The following TENT2 variants were observed in gnomAD, a reference collection of about 807,000 sequenced individuals.
The protein encoded by TENT2 is poly(A) RNA polymerase GLD2.
TENT2 carries 44 observed loss-of-function variants against 72.2 expected under a neutral mutation model. That is an observed-to-expected ratio of 0.61 (90% CI 0.48 to 0.78). The LOEUF is 0.78. Ranked by LOEUF, TENT2 falls within the 30% of genes least tolerant of loss-of-function variation. TENT2 has a pLI of 0.00. For missense variants in TENT2, 541 were observed against 569.6 expected, an observed-to-expected ratio of 0.95 and a Z score of 0.51; for synonymous variants, 212 against 192.5, an observed-to-expected ratio of 1.10 and a Z score of -0.84.
Position 79,686,220 on chromosome 5 carries a change from C to T in TENT2, c.*947C>T, listed in dbSNP as rs972661084. 2 of 152,334 alleles carry T rather than the reference C, an allele frequency of 1.3e-5. No homozygotes were observed. The highest frequency in any genetic ancestry group is 2.9e-5 in the Non-Finnish European group (2 of 67,974). The allele number at this position is 152,334 out of a possible 1,614,324, so 9.4% of individuals were successfully genotyped here. On this transcript the variant is annotated 3_prime_UTR_variant, in exon 15 of 15. Transcript: ENST00000453514. ...ACTGGAATTTTTAGGCAGTAAGTCA[C>T]CACAAAATGTTTTAGATAAGACACA...
intron 10 of TENT2, among the ~76,000 whole-genome samples, chr5:79,650,055 G>A (rs920075830): frequency 3.3e-5 from 5 of 152,064 alleles, no homozygotes; most frequent in Non-Finnish European, 5.9e-5. Context: ...CATGAAGACC[G>A]AGTGAAAGAC....
intron 4 of TENT2, among the ~76,000 whole-genome samples, chr5:79,625,848 G>T (rs1275123424): frequency 2.1e-4 from 30 of 145,530 alleles, no homozygotes; most frequent in African/African-American, 6.2e-4. Context: ...TTTTTTTTTT[G>T]ATATAGAGTC....
chr5:79,672,599 G>A (rs1813788514), intron 12 of TENT2, among the ~76,000 whole-genome samples: 1 of 152,110 alleles, frequency 6.6e-6, no homozygotes, highest in South Asian at 2.1e-4. Flanking sequence ...TTCACTTAAT[G>A]TCCTCCAATT....
intron 10 of TENT2, among the ~76,000 whole-genome samples, chr5:79,655,658 T>A (rs1195859222): frequency 6.6e-6 from 1 of 152,038 alleles, no homozygotes; most frequent in East Asian, 1.9e-4. Flanking sequence ...GCAGGTCTTC[T>A]AGAATGTTGA....
intron 10 of TENT2, among the ~76,000 whole-genome samples, chr5:79,656,100 C>G (rs1433746777): frequency 6.6e-6 from 1 of 151,790 alleles, no homozygotes; most frequent in East Asian, 1.9e-4. Flanking sequence ...CTTCCTAATT[C>G]TTAAATTTGA....
In TENT2 at chr5:79,643,854, A is replaced by G. The variant is rs149788067; in HGVS notation, c.751+944A>G. Among the ~76,000 whole-genome samples, 64 of 152,248 alleles carry G rather than the reference A, an allele frequency of 4.2e-4. 1 individual carries two copies. The highest frequency in any genetic ancestry group is 1.5e-3 in the African/African-American group (61 of 41,550). ...TAATAGTTAAGGAAACTGGTGATCAATGGATTTAGTAACTTGCCTGGAGTA... is the reference window on the plus strand; with the variant it reads ...TAATAGTTAAGGAAACTGGTGATCAGTGGATTTAGTAACTTGCCTGGAGTA... On this transcript the variant is annotated intron_variant, in intron 7 of 14. Coordinates refer to ENST00000453514, the MANE Select transcript of TENT2 (RefSeq NM_001114394.3).
intron 14 of TENT2, among the ~76,000 whole-genome samples, chr5:79,683,923 C>CAAAAAAAAAAAAA (rs761567083): frequency 4.8e-5 from 2 of 41,560 alleles, no homozygotes; most frequent in Non-Finnish European, 1.0e-4. Context: ...GACTCCGTCT[C>CAAAAAAAAAAAAA]AAAAAAAAAA....
chr5:79,618,931 C>T (rs1408986129), intron 1 of TENT2, among the ~76,000 whole-genome samples: 1 of 152,132 alleles, frequency 6.6e-6, no homozygotes. Context: ...TCTTTGTAGA[C>T]TTTACCTGAT....
intron 11 of TENT2, among the ~76,000 whole-genome samples, chr5:79,664,466 G>T (rs1005675269): frequency 6.6e-6 from 1 of 151,954 alleles, no homozygotes; most frequent in Admixed American, 6.6e-5. Flanking sequence ...GTGGAGGCAC[G>T]CGCCTGTAGT....
chr5:79,618,181 T>C (rs1761904783), intron 1 of TENT2, among the ~76,000 whole-genome samples: 1 of 152,224 alleles, frequency 6.6e-6, no homozygotes, highest in Non-Finnish European at 1.5e-5. Context: ...ATCTTTTAAA[T>C]TTCTGCTGGG....
At position 79,648,654 on chromosome 5, in the gene TENT2, G is replaced by T; in HGVS notation, c.859G>T (p.Gly287Ter). 6.3e-7 allele frequency: 1 copy of T among 1,595,488 alleles called. No individual in the cohort carries two copies. The highest frequency in any genetic ancestry group is 8.5e-7 in the Non-Finnish European group (1 of 1,170,260). ...TGACTTGAATGTAAACAATATTGTTGGAATAAGAAACACATTCCTTCTCAG... is the reference window on the plus strand; with the variant it reads ...TGACTTGAATGTAAACAATATTGTTTGAATAAGAAACACATTCCTTCTCAG... ...EFDLNVNNIV[G>*]IRNTFLLRTY... is the part of the protein sequence containing the mutation. Residue 287 changes from glycine (G) to a stop codon, truncating the protein, a stop_gained, in exon 9 of 15, where the codon GGA becomes TGA. Transcript: ENST00000453514. LOFTEE classifies it high-confidence loss of function.
intron 4 of TENT2, among the ~76,000 whole-genome samples, chr5:79,625,455 C>T (rs2150049593): frequency 6.6e-6 from 1 of 152,236 alleles, no homozygotes; most frequent in Admixed American, 6.5e-5. Flanking sequence ...CTTTTGGTGT[C>T]ATATCTAAGA....
intron 10 of TENT2, among the ~76,000 whole-genome samples, chr5:79,650,635 G>C (rs905717577): frequency 6.6e-6 from 1 of 152,088 alleles, no homozygotes; most frequent in Non-Finnish European, 1.5e-5. Flanking sequence ...AAGTTGAGAT[G>C]ATTTGATGCC....
At chr5:79,646,327 A>G (rs2150079168) in intron 8 of TENT2, among the ~76,000 whole-genome samples, 1 of 152,358 alleles carries the variant, frequency 6.6e-6, no homozygotes, top group South Asian at 2.1e-4. Context: ...GTCTTCAAAT[A>G]GAAGCACAAC....
At chr5:79,666,386 T>C (rs964124531) in intron 11 of TENT2, among the ~76,000 whole-genome samples, 5 of 151,692 alleles carry the variant, frequency 3.3e-5, no homozygotes, top group African/African-American at 1.2e-4. Context: ...TTTTTTTTTT[T>C]TTGCGATAAG....
chr5:79,620,040 A>C lies in TENT2; in HGVS notation c.184A>C (p.Ser62Arg), dbSNP rs1161808380. ...SLQQLTYGNV[S>R]PIQTSASPLF... ...ACAGCAGCTGACATATGGAAATGTC[A>C]GTCCAATACAGACCTCAGCTTCCCC... Residue 62 changes from serine (S) to arginine (R), a missense_variant, in exon 3 of 15, where the codon AGT becomes CGT. Transcript: ENST00000453514. The C allele has an allele frequency of 1.2e-6, 2 of 1,612,076 alleles. No homozygotes were observed. Among genetic ancestry groups the C allele is most frequent in the Non-Finnish European group, 1.7e-6 (2 of 1,178,734 alleles).
rs1397169786 is a variant in TENT2, at chr5:79,685,234, C to T, written c.1416C>T (p.Asn472=). The part of the protein sequence containing the change: ...WHRLKNKRDL[N]SILPVRAAVL... ...GATTGAAAAACAAGAGAGATTTGAACAGTATACTACCTGTAAGAGCTGCTG... is the reference window on the plus strand; with the variant it reads ...GATTGAAAAACAAGAGAGATTTGAATAGTATACTACCTGTAAGAGCTGCTG... The change falls in exon 15 of 15, where the codon AAC becomes AAT. Residue 472 remains asparagine (N), a synonymous_variant. Transcript: ENST00000453514. 6.2e-7 allele frequency: 1 copy of T among 1,606,412 alleles called. No individual in the cohort carries two copies. The highest frequency in any genetic ancestry group is 1.3e-5 in the African/African-American group (1 of 74,594).
intron 1 of TENT2, among the ~76,000 whole-genome samples, chr5:79,613,677 C>T (rs953325728): frequency 3.3e-5 from 5 of 152,036 alleles, no homozygotes; most frequent in Non-Finnish European, 7.4e-5. Flanking sequence ...TGAAATAGGC[C>T]GTTTATGAGT....
At chr5:79,677,103 G>A (rs1233368929) in intron 12 of TENT2, among the ~76,000 whole-genome samples, 2 of 152,104 alleles carry the variant, frequency 1.3e-5, no homozygotes, top group Non-Finnish European at 2.9e-5. Context: ...AGTACAAAGA[G>A]TATACAATTA....
Sources: gnomAD v4.1 joint callset for allele counts (sites outside exome capture counted in the v4.1 genomes callset) on GRCh38, gnomAD v4.1.1 for gene constraint, MANE v1.5 for transcripts, NCBI Gene and HGNC (gene_info 2026-07-23, HGNC 2026-07-21) for gene names.